STAC: variants seen among roughly 807,000 people sequenced by gnomAD.
STAC encodes SH3 and cysteine rich domain.
A neutral mutation model predicts 48.8 loss-of-function variants in STAC; 43 were observed. The ratio of observed to expected loss-of-function variants is 0.88; its 90% CI spans 0.69 to 1.14. STAC has a LOEUF of 1.14. Ranked by LOEUF, STAC falls within the 50% of genes most tolerant of loss-of-function variation. The pLI is 0.00. For synonymous variants in STAC, 193 were observed against 179.5 expected, an observed-to-expected ratio of 1.07 and a Z score of -0.60; for missense variants, 497 against 504.0, an observed-to-expected ratio of 0.99 and a Z score of 0.13.
At chr3:36,448,562 T>C (rs534356724) in intron 2 of STAC, among the ~76,000 whole-genome samples, 1 of 152,236 alleles carries the variant, frequency 6.6e-6, no homozygotes, top group African/African-American at 2.4e-5. Context: ...AGCTGGAACA[T>C]AGTCATGCTA....
intron 1 of STAC, among the ~76,000 whole-genome samples, chr3:36,380,969 G>A (rs747529905): frequency 6.6e-6 from 1 of 150,724 alleles, no homozygotes; most frequent in African/African-American, 2.4e-5. Context: ...ATTCACACAC[G>A]CAATTCATGG....
Position 36,528,951 on chromosome 3 carries a change from AG to A in STAC, c.1078del (p.Glu360AsnfsTer5). On this transcript the variant is annotated frameshift_variant, in exon 10 of 11. Coordinates refer to ENST00000273183, the MANE Select transcript of STAC (RefSeq NM_003149.3). LOFTEE classifies it high-confidence loss of function. ...TGTGTTAGAACCTTCATTGGGTGTAAGGAACAGGGGCAGATAACACTGAAAG... is the reference window on the plus strand; with the variant it reads ...TGTGTTAGAACCTTCATTGGGTGTAAGAACAGGGGCAGATAACACTGAAAG... ...FRCVRTFIGCKEQGQITLKEN... is the reference protein window; with the variant it reads ...FRCVRTFIGCXEQGQITLKEN... 1.2e-6 allele frequency: 2 copies of A among 1,613,224 alleles called. No homozygotes were observed. Among genetic ancestry groups the A allele is most frequent in the Non-Finnish European group, 1.7e-6 (2 of 1,179,472 alleles).
At position 36,521,275 on chromosome 3, in the gene STAC, T is replaced by C. The variant is rs76611998; in HGVS notation, c.921-7421T>C. On this transcript the variant is annotated intron_variant, in intron 8 of 10. Coordinates refer to ENST00000273183, the MANE Select transcript of STAC (RefSeq NM_003149.3). ...AGTAAAGTGGGCAGTTCTGATGAGTTTTGACACGGCATGGGTGGTGCAAGA... is the reference window on the plus strand; with the variant it reads ...AGTAAAGTGGGCAGTTCTGATGAGTCTTGACACGGCATGGGTGGTGCAAGA... Among the ~76,000 whole-genome samples the C allele has an allele frequency of 9.4e-3, 1,428 of 152,222 alleles. 26 individuals are homozygous for C. The highest frequency in any genetic ancestry group is 0.033 in the African/African-American group (1,360 of 41,552).
At chr3:36,449,182 C>T (rs1318675186) in intron 2 of STAC, among the ~76,000 whole-genome samples, 2 of 152,024 alleles carry the variant, frequency 1.3e-5, no homozygotes, top group South Asian at 2.1e-4. Context: ...AAACTATGTG[C>T]TTGGAAAATG....
intron 10 of STAC, among the ~76,000 whole-genome samples, chr3:36,536,845 C>A (rs1306026744): frequency 5.4e-5 from 8 of 149,156 alleles, no homozygotes; most frequent in East Asian, 2.0e-4. Context: ...AACAAGAAAA[C>A]AAAAAACAAA....
intron 10 of STAC, among the ~76,000 whole-genome samples, chr3:36,532,595 A>C (rs2125735602): frequency 6.6e-6 from 1 of 152,272 alleles, no homozygotes; most frequent in Non-Finnish European, 1.5e-5. Flanking sequence ...TCTGCCTATA[A>C]AGAGCAGTGG....
At chr3:36,456,001 T>A (rs1335789651) in intron 2 of STAC, among the ~76,000 whole-genome samples, 2 of 151,548 alleles carry the variant, frequency 1.3e-5, no homozygotes, top group African/African-American at 2.4e-5. Flanking sequence ...AACATTATAA[T>A]AAATAAACAT....
At chr3:36,383,224 T>C (rs1220225110) in intron 1 of STAC, among the ~76,000 whole-genome samples, 1 of 152,248 alleles carries the variant, frequency 6.6e-6, no homozygotes, top group Non-Finnish European at 1.5e-5. Flanking sequence ...TACTGAATGT[T>C]TACTGTAAGT....
At chr3:36,492,055 T>A (rs1447893677) in intron 5 of STAC, among the ~76,000 whole-genome samples, 59 of 80,546 alleles carry the variant, frequency 7.3e-4, no homozygotes, top group African/African-American at 2.0e-3. Context: ...TATATATATA[T>A]ATATATATAT....
intron 2 of STAC, among the ~76,000 whole-genome samples, chr3:36,465,265 G>A (rs930075573): frequency 1.3e-5 from 2 of 152,090 alleles, no homozygotes; most frequent in Non-Finnish European, 2.9e-5. Flanking sequence ...ATCTTCTCTA[G>A]AGAGCTGTCT....
At chr3:36,502,751 AG>A (rs1698309832) in intron 6 of STAC, among the ~76,000 whole-genome samples, 1 of 152,132 alleles carries the variant, frequency 6.6e-6, no homozygotes, top group Non-Finnish European at 1.5e-5. Flanking sequence ...TACCAGAAAA[AG>A]GTTTTGCTAA....
intron 10 of STAC, among the ~76,000 whole-genome samples, chr3:36,543,383 T>C (rs1699373885): frequency 6.6e-6 from 1 of 152,146 alleles, no homozygotes; most frequent in Admixed American, 6.5e-5. Context: ...GTTCAGCCAT[T>C]TGTACTCATC....
At chr3:36,457,337 G>A (rs1696882595) in intron 2 of STAC, among the ~76,000 whole-genome samples, 3 of 152,302 alleles carry the variant, frequency 2.0e-5, no homozygotes, top group Middle Eastern at 3.4e-3. Flanking sequence ...AATGAGAGCA[G>A]AAATAACAAT....
At chr3:36,405,131 G>A (rs1336095021) in intron 1 of STAC, among the ~76,000 whole-genome samples, 4 of 152,136 alleles carry the variant, frequency 2.6e-5, no homozygotes, top group Non-Finnish European at 2.9e-5. Context: ...CAGCAGGGTC[G>A]CCCTCAATGA....
intron 2 of STAC, among the ~76,000 whole-genome samples, chr3:36,478,778 G>A (rs1697561776): frequency 1.3e-5 from 2 of 152,012 alleles, no homozygotes; most frequent in South Asian, 2.1e-4. Flanking sequence ...ATGAACCACC[G>A]CACCCGGCTA....
chr3:36,489,005 A>G (rs550941767), intron 5 of STAC, among the ~76,000 whole-genome samples: 67 of 152,094 alleles, frequency 4.4e-4, no homozygotes, highest in Non-Finnish European at 8.8e-4. Flanking sequence ...TCCTTAGAAC[A>G]TGTTGCTCCA....
chr3:36,446,163 G>A (rs896864231), intron 2 of STAC, among the ~76,000 whole-genome samples: 3 of 152,162 alleles, frequency 2.0e-5, no homozygotes, highest in Non-Finnish European at 4.4e-5. Context: ...AGCAGGCACC[G>A]TGGCATGCCC....
chr3:36,483,065 G>A lies in STAC; in HGVS notation c.462G>A (p.Leu154=), dbSNP rs929424980. ...MSIHHKCTDG[L]APQRCMGKLP... The stretch of plus-strand genomic sequence containing the variant: ...TCCACCACAAGTGCACAGATGGCCT[G>A]GCACCCCAGCGGTGCATGGGCAAGC... Residue 154 remains leucine, a synonymous_variant, in exon 3 of 11, where the codon CTG becomes CTA. Coordinates refer to ENST00000273183, the MANE Select transcript of STAC (RefSeq NM_003149.3). 13 of 1,614,078 alleles carry A rather than the reference G, an allele frequency of 8.1e-6. No homozygotes were observed. Among genetic ancestry groups the A allele is most frequent in the Middle Eastern group, 1.7e-4 (1 of 6,060 alleles).
At chr3:36,414,369 T>G (rs1287313914) in intron 1 of STAC, among the ~76,000 whole-genome samples, 2 of 152,160 alleles carry the variant, frequency 1.3e-5, no homozygotes, top group Non-Finnish European at 2.9e-5. Context: ...AGGATTTGTT[T>G]GTTTCTTTTT....
Sources: gnomAD v4.1 joint callset for allele counts (sites outside exome capture counted in the v4.1 genomes callset) on GRCh38, gnomAD v4.1.1 for gene constraint, MANE v1.5 for transcripts, NCBI Gene and HGNC (gene_info 2026-07-23, HGNC 2026-07-21) for gene names.